Variants in MARCHF4 observed in about 807,000 individuals in gnomAD.
The protein encoded by MARCHF4 is E3 ubiquitin-protein ligase MARCHF4.
Under a neutral mutation model 43.9 loss-of-function variants are expected in MARCHF4, and 14 were observed. That is an observed-to-expected ratio of 0.32 (90% CI 0.21 to 0.50). The LOEUF (loss-of-function observed/expected upper bound fraction) is 0.50, where lower values mean the gene tolerates loss of function less well. Ranked by LOEUF, MARCHF4 falls within the 20% of genes least tolerant of loss-of-function variation. The probability of loss-of-function intolerance (pLI) is 0.98; values close to 1 mark genes in which losing one functional copy is unlikely to be tolerated. For missense variants in MARCHF4, 468 were observed against 536.7 expected (o/e 0.87, Z 1.27); for synonymous variants, 226 against 213.3 (o/e 1.06, Z -0.52).
At chr2:216,325,303 A>G (rs1691970626) in intron 1 of MARCHF4, among the ~76,000 whole-genome samples, 1 of 152,240 alleles carries the variant, frequency 6.6e-6, no homozygotes, top group African/African-American at 2.4e-5. Context: ...CCACTGCTCA[A>G]TGAAATAAAA....
chr2:216,286,520 T>TA (rs10565877), intron 1 of MARCHF4, among the ~76,000 whole-genome samples: 6,444 of 143,486 alleles, frequency 0.045, 182 homozygotes, highest in Non-Finnish European at 0.064. Context: ...CAACTCCATC[T>TA]AAAAAAAAAA....
intron 3 of MARCHF4, among the ~76,000 whole-genome samples, chr2:216,262,607 G>A (rs1028579533): frequency 6.6e-6 from 1 of 152,130 alleles, no homozygotes; most frequent in African/African-American, 2.4e-5. Flanking sequence ...GATTTTGGAG[G>A]TGGTGTGGTT....
intron 2 of MARCHF4, among the ~76,000 whole-genome samples, chr2:216,283,220 T>G (rs1220831141): frequency 6.6e-6 from 1 of 152,046 alleles, no homozygotes; most frequent in Non-Finnish European, 1.5e-5. Flanking sequence ...CCTGCCTCCT[T>G]CGTTTCTTCC....
chr2:216,302,383 TA>T (rs1475651646), intron 1 of MARCHF4, among the ~76,000 whole-genome samples: 5 of 102,630 alleles, frequency 4.9e-5, no homozygotes, highest in Non-Finnish European at 1.0e-4. Context: ...CACGCCCATC[TA>T]ATTTTTTTTT....
At position 216,370,501 on chromosome 2, in the gene MARCHF4, C is replaced by T; in HGVS notation, c.-241G>A. 1 of 432,320 alleles carries T rather than the reference C, an allele frequency of 2.3e-6. No individual in the cohort carries two copies. Among genetic ancestry groups the T allele is most frequent in the Non-Finnish European group, 4.1e-6 (1 of 244,192 alleles). 26.8% of individuals were successfully genotyped at this position (432,320 alleles called of 1,614,324 possible). A position where few individuals can be genotyped will look rare whatever the true frequency, so the allele number is the denominator to read the frequency against. On this transcript the variant is annotated 5_prime_UTR_variant, in exon 1 of 4. The change creates a new upstream start codon in the 5' untranslated region. Coordinates refer to ENST00000273067, the MANE Select transcript of MARCHF4 (RefSeq NM_020814.3). ...CAAAAAAGTTTTTCTTGCCCTCACA[C>T]ACCCACCCCAACCTCCAACTTTGTT...
At chr2:216,263,481 G>A (rs1690778509) in intron 3 of MARCHF4, among the ~76,000 whole-genome samples, 2 of 135,132 alleles carry the variant, frequency 1.5e-5, no homozygotes, top group African/African-American at 2.8e-5. Context: ...AAGAGAGAAA[G>A]AAGGAGAGAG....
At chr2:216,275,916 C>T (rs1691014317) in intron 3 of MARCHF4, among the ~76,000 whole-genome samples, 1 of 152,144 alleles carries the variant, frequency 6.6e-6, no homozygotes, top group African/African-American at 2.4e-5. Flanking sequence ...CCCAGTAGTC[C>T]CTGCTCCGTT....
At chr2:216,311,690 T>A (rs998701478) in intron 1 of MARCHF4, among the ~76,000 whole-genome samples, 1 of 152,212 alleles carries the variant, frequency 6.6e-6, no homozygotes, top group African/African-American at 2.4e-5. Context: ...GAACCTTTTT[T>A]ATTATTATTT....
At chr2:216,320,199 C>T (rs1005746148) in intron 1 of MARCHF4, among the ~76,000 whole-genome samples, 1 of 152,316 alleles carries the variant, frequency 6.6e-6, no homozygotes, top group South Asian at 2.1e-4. Context: ...AGGTATTACT[C>T]CTTCCATATT....
chr2:216,370,193 C>T lies in MARCHF4; in HGVS notation c.68G>A (p.Gly23Glu). The T allele has an allele frequency of 6.2e-7, 1 of 1,613,012 alleles. No homozygotes were observed. The highest frequency in any genetic ancestry group is 8.5e-7 in the Non-Finnish European group (1 of 1,179,738). The change falls in exon 1 of 4, where the codon GGA (glycine) becomes GAA (glutamate). Residue 23 changes from glycine to glutamate, a missense_variant. By Grantham distance (98) the Gly-to-Glu change is moderately conservative. Around this residue, in one of 3 missense-constraint regions of MARCHF4, gnomAD observed 190 missense variants for 158.5 expected, o/e 1.20. Coordinates refer to ENST00000273067, the MANE Select transcript of MARCHF4 (RefSeq NM_020814.3). ...WCCCSGWYCYGLCAPAPQMLR... is the reference protein window; with the variant it reads ...WCCCSGWYCYELCAPAPQMLR... ...CATCTGGGGGGCTGGGGCACACAAT[C>T]CATAGCAGTACCAGCCGGAGCAGCA...
chr2:216,298,636 G>T (rs564472394), intron 1 of MARCHF4, among the ~76,000 whole-genome samples: 1 of 152,194 alleles, frequency 6.6e-6, no homozygotes, highest in African/African-American at 2.4e-5. Flanking sequence ...CCCAGAGGCT[G>T]GGAAGGAAAA....
At chr2:216,280,674 G>A (rs1691112884) in intron 2 of MARCHF4, among the ~76,000 whole-genome samples, 1 of 152,188 alleles carries the variant, frequency 6.6e-6, no homozygotes, top group South Asian at 2.1e-4. Context: ...CCAGGAGTCA[G>A]ACCCCCACAT....
chr2:216,259,849 G>A, intron 3 of MARCHF4, 170 bp from the exon 4 acceptor site: 1 of 654,350 alleles, frequency 1.5e-6, no homozygotes, highest in Non-Finnish European at 2.6e-6. Context: ...GTAGGCAGAA[G>A]GTGGAGGGGC....
chr2:216,372,329 A>G lies in MARCHF4; in HGVS notation c.-2069T>C, dbSNP rs886850771. Among the ~76,000 whole-genome samples, 7 of 152,144 alleles carry G rather than the reference A, an allele frequency of 4.6e-5. No individual in the cohort carries two copies. The highest frequency in any genetic ancestry group is 4.2e-4 in the South Asian group (2 of 4,806). On this transcript the variant is annotated 5_prime_UTR_variant, in exon 1 of 4. The change abolishes an upstream ATG in the 5' untranslated region. Transcript: ENST00000273067. ...CCGGCGCCGCGGCCGCCGCTGCTGC[A>G]TTCAGCACCCCGGGCGAGTGGACAG... is the stretch of plus-strand genomic sequence containing the variant.
intron 1 of MARCHF4, among the ~76,000 whole-genome samples, chr2:216,307,752 A>T (rs572739607): frequency 6.6e-6 from 1 of 152,276 alleles, no homozygotes; most frequent in African/African-American, 2.4e-5. Flanking sequence ...AGGGAAAAGG[A>T]TCACATTTCC....
chr2:216,289,345 T>C (rs1691271264), intron 1 of MARCHF4, among the ~76,000 whole-genome samples: 1 of 151,840 alleles, frequency 6.6e-6, no homozygotes, highest in South Asian at 2.1e-4. Flanking sequence ...TAGCCAGAGT[T>C]CTAAGCCAGT....
intron 1 of MARCHF4, among the ~76,000 whole-genome samples, chr2:216,313,637 A>T (rs1691725051): frequency 6.6e-6 from 1 of 152,300 alleles, no homozygotes; most frequent in Middle Eastern, 3.4e-3. Context: ...TCTGTCTCTG[A>T]CAGCTCTCCA....
At chr2:216,308,274 T>C (rs1399620956) in intron 1 of MARCHF4, among the ~76,000 whole-genome samples, 2 of 152,102 alleles carry the variant, frequency 1.3e-5, no homozygotes, top group Non-Finnish European at 2.9e-5. Context: ...GGGTTGGTGG[T>C]ATGTGACTGT....
At chr2:216,311,068 A>G (rs1267303162) in intron 1 of MARCHF4, among the ~76,000 whole-genome samples, 2 of 152,228 alleles carry the variant, frequency 1.3e-5, no homozygotes, top group East Asian at 1.9e-4. Flanking sequence ...CTAGCACCTT[A>G]TTATCTCTCC....
Sources: allele counts gnomAD v4.1 joint callset (sites outside exome capture counted in the v4.1 genomes callset), GRCh38; gene constraint gnomAD v4.1.1; regional missense constraint gnomAD v4.1.1; transcripts MANE v1.5; gene names NCBI Gene and HGNC (gene_info 2026-07-23, HGNC 2026-07-21).